The following DOCK3 variants were observed in gnomAD, a reference collection of about 807,000 sequenced individuals.
The protein encoded by DOCK3 is dedicator of cytokinesis protein 3.
A neutral mutation model predicts 265.6 loss-of-function variants in DOCK3; 60 were observed. That is an observed-to-expected ratio of 0.23 (90% CI 0.18 to 0.28). The LOEUF (loss-of-function observed/expected upper bound fraction) is 0.28. DOCK3 is among the 10% of genes least tolerant of loss of function. The pLI is 1.00. For synonymous variants in DOCK3, 881 were observed against 938.0 expected (o/e 0.94, Z 1.11); for missense variants, 1,981 against 2,594.3 (o/e 0.76, Z 5.14).
At chr3:51,108,519 A>G (rs1202690173) in intron 9 of DOCK3, among the ~76,000 whole-genome samples, 1 of 152,198 alleles carries the variant, frequency 6.6e-6, no homozygotes, top group East Asian at 1.9e-4. Context: ...CGAACACAGG[A>G]TAAAATTTAC....
At chr3:51,331,058 A>G (rs1198262458) in intron 33 of DOCK3, among the ~76,000 whole-genome samples, 1 of 152,216 alleles carries the variant, frequency 6.6e-6, no homozygotes, top group Non-Finnish European at 1.5e-5. Flanking sequence ...GATCATCACA[A>G]CATACCTGCA....
At chr3:50,733,098 A>G (rs968505025) in intron 1 of DOCK3, among the ~76,000 whole-genome samples, 2 of 152,242 alleles carry the variant, frequency 1.3e-5, no homozygotes, top group African/African-American at 4.8e-5. Context: ...TTAAAAATAT[A>G]TAATTTGGTA....
intron 11 of DOCK3, 57 bp from the exon 12 acceptor site, chr3:51,160,498 A>G (rs2086072125): frequency 1.3e-6 from 2 of 1,535,100 alleles, no homozygotes; most frequent in Admixed American, 4.4e-5. Context: ...CAATTAGGTG[A>G]TACTGGAGAG....
At chr3:51,046,155 CAAAG>C (rs1242610293) in intron 5 of DOCK3, among the ~76,000 whole-genome samples, 1 of 151,896 alleles carries the variant, frequency 6.6e-6, no homozygotes, top group Admixed American at 6.6e-5. Flanking sequence ...CATTAAATCA[CAAAG>C]GAAGAGAGGA....
At chr3:50,783,843 T>TTC (rs2042045958) in intron 2 of DOCK3, among the ~76,000 whole-genome samples, 1 of 152,090 alleles carries the variant, frequency 6.6e-6, no homozygotes, top group East Asian at 1.9e-4. Flanking sequence ...GGTCTTAGAT[T>TTC]TAAGTCTTTG....
intron 1 of DOCK3, among the ~76,000 whole-genome samples, chr3:50,682,893 C>T (rs756084282): frequency 2.0e-4 from 31 of 152,228 alleles, no homozygotes; most frequent in Admixed American, 3.9e-4. Context: ...GAGCTGAGAT[C>T]GCGCCATTGC....
chr3:51,246,232 CT>C (rs34878916), intron 21 of DOCK3, among the ~76,000 whole-genome samples: 69 of 130,638 alleles, frequency 5.3e-4, no homozygotes, highest in Admixed American at 1.5e-3. Context: ...TTTAGGAAAA[CT>C]TTTTTTTTTT....
intron 12 of DOCK3, among the ~76,000 whole-genome samples, chr3:51,190,912 G>C (rs2087900734): frequency 1.3e-5 from 2 of 152,100 alleles, no homozygotes; most frequent in African/African-American, 4.8e-5. Flanking sequence ...CTCTGCAGGT[G>C]GTTTACTGGC....
At chr3:50,861,854 GTT>G (rs61401631) in intron 3 of DOCK3, among the ~76,000 whole-genome samples, 4 of 114,398 alleles carry the variant, frequency 3.5e-5, no homozygotes, top group East Asian at 2.6e-4. Context: ...AGGTTGGGTC[GTT>G]TTTTTTTTTT....
chr3:50,927,580 ATAAG>A (rs1368237566), intron 4 of DOCK3, among the ~76,000 whole-genome samples: 1 of 152,218 alleles, frequency 6.6e-6, no homozygotes, highest in Non-Finnish European at 1.5e-5. Flanking sequence ...CAAAATAAAA[ATAAG>A]TACTACATGG....
chr3:51,108,853 C>T (rs539478677), intron 9 of DOCK3, among the ~76,000 whole-genome samples: 10 of 152,304 alleles, frequency 6.6e-5, no homozygotes, highest in Non-Finnish European at 1.2e-4. Flanking sequence ...AATATATATG[C>T]GCTCAACACA....
chr3:50,974,866 A>G (rs1478618843), intron 5 of DOCK3, among the ~76,000 whole-genome samples: 2 of 128,134 alleles, frequency 1.6e-5, no homozygotes, highest in Non-Finnish European at 3.4e-5. Context: ...ATCCCTTGTA[A>G]GTTGTATTCC....
intron 27 of DOCK3, among the ~76,000 whole-genome samples, chr3:51,293,125 A>G (rs1307062621): frequency 1.3e-5 from 2 of 152,192 alleles, no homozygotes; most frequent in Admixed American, 6.5e-5. Context: ...GAAAAAAACA[A>G]TCCTAAAATG....
At chr3:51,131,001 C>T (rs1248697405) in intron 9 of DOCK3, among the ~76,000 whole-genome samples, 1 of 152,166 alleles carries the variant, frequency 6.6e-6, no homozygotes, top group Non-Finnish European at 1.5e-5. Flanking sequence ...AACCACTGCA[C>T]CCGGGCACAA....
chr3:50,895,725 C>G (rs2048864088), intron 4 of DOCK3, among the ~76,000 whole-genome samples: 1 of 152,068 alleles, frequency 6.6e-6, no homozygotes, highest in Admixed American at 6.6e-5. Flanking sequence ...TCCATGTGTT[C>G]TCACTGTTTA....
At chr3:51,371,491 G>A (rs2087673208) in intron 49 of DOCK3, among the ~76,000 whole-genome samples, 1 of 152,208 alleles carries the variant, frequency 6.6e-6, no homozygotes, top group South Asian at 2.1e-4. Context: ...AGACAAAATA[G>A]AAGGGTCTGT....
At chr3:50,929,112 C>T (rs902056152) in intron 4 of DOCK3, among the ~76,000 whole-genome samples, 11 of 152,150 alleles carry the variant, frequency 7.2e-5, no homozygotes, top group African/African-American at 2.2e-4. Flanking sequence ...TGTTGTAAGT[C>T]GAACAGCATT....
rs1362291047 is a variant in DOCK3 at position 51,358,131 on chromosome 3, C to T, written c.4884+54C>T. ...GCAGTAGAACCAGGTGTCACTTCCT[C>T]CAGACCTACGCCACAAACCAAAGGA... is the stretch of plus-strand genomic sequence containing the variant. On this transcript the variant is annotated intron_variant, in intron 46 of 52. Transcript: ENST00000266037. The T allele has an allele frequency of 7.6e-6, 12 of 1,570,642 alleles. No homozygotes were observed. The African/African-American group carries it at 1.3e-4, about 18-fold the overall frequency.
intron 9 of DOCK3, among the ~76,000 whole-genome samples, chr3:51,144,642 A>G (rs2085214899): frequency 6.6e-6 from 1 of 152,086 alleles, no homozygotes; most frequent in African/African-American, 2.4e-5. Flanking sequence ...AAGAATCTCA[A>G]ATTTATATCT....
Sources: gnomAD v4.1 joint callset for allele counts (sites outside exome capture counted in the v4.1 genomes callset) on GRCh38, gnomAD v4.1.1 for gene constraint, MANE v1.5 for transcripts, NCBI Gene and HGNC (gene_info 2026-07-23, HGNC 2026-07-21) for gene names.